The following POP1 variants were observed in gnomAD, a reference collection of about 807,000 sequenced individuals.
POP1 encodes the protein POP1 ribonuclease P/MRP subunit.
POP1 carries 75 observed loss-of-function variants against 102.2 expected under a neutral mutation model. The observed-to-expected ratio is 0.73, with a 90% confidence interval of 0.61 to 0.89. The LOEUF is 0.89. Ranked by LOEUF, POP1 falls within the 40% of genes least tolerant of loss-of-function variation. The pLI, the probability that POP1 is intolerant of heterozygous loss-of-function variation, is 0.00. For synonymous variants in POP1, 436 were observed against 464.1 expected (o/e 0.94, Z 0.78); for missense variants, 1,116 against 1,267.4 (o/e 0.88, Z 1.81).
At chr8:98,132,273 A>G (rs951623010) in intron 5 of POP1, among the ~76,000 whole-genome samples, 1 of 152,132 alleles carries the variant, frequency 6.6e-6, no homozygotes, top group Non-Finnish European at 1.5e-5. Context: ...AGGTACAGAG[A>G]GGTTAGGTAG....
At chr8:98,137,634 A>G (rs1816584574) in intron 9 of POP1, among the ~76,000 whole-genome samples, 1 of 152,144 alleles carries the variant, frequency 6.6e-6, no homozygotes, top group South Asian at 2.1e-4. Flanking sequence ...TAAAAAGGTT[A>G]AGAGCAGTAT....
chr8:98,158,398 T>A lies in POP1; in HGVS notation c.*127T>A. On this transcript the variant is annotated 3_prime_UTR_variant, in exon 16 of 16. Transcript: ENST00000401707. ...CTCCCTGGAAACAAGAATAAAAAATTATGTATTATGCAGATGATGAAATGT... is the reference window on the plus strand; with the variant it reads ...CTCCCTGGAAACAAGAATAAAAAATAATGTATTATGCAGATGATGAAATGT... 1 of 1,013,242 alleles carries A rather than the reference T, an allele frequency of 9.9e-7. No homozygotes were observed. Among genetic ancestry groups the A allele is most frequent in the Non-Finnish European group, 1.5e-6 (1 of 659,368 alleles). 62.8% of individuals were successfully genotyped at this position (1,013,242 alleles called of 1,614,324 possible).
intron 15 of POP1, among the ~76,000 whole-genome samples, chr8:98,156,665 GT>G (rs33983499): frequency 0.027 from 4,106 of 151,928 alleles, 170 homozygotes; most frequent in African/African-American, 0.085. Context: ...AGCCAAGGCA[GT>G]TTTTTTTCTG....
intron 13 of POP1, 119 bp downstream of exon 13, chr8:98,149,125 C>A: frequency 1.0e-6 from 1 of 985,724 alleles, no homozygotes; most frequent in Non-Finnish European, 1.6e-6. Flanking sequence ...TGGTGTATTT[C>A]TGCCCTTAGA....
chr8:98,148,796 T>G lies in POP1; in HGVS notation c.1711-19T>G. On this transcript the variant is annotated intron_variant, in intron 12 of 15. Transcript: ENST00000401707. ...GAAGACTAGGGCTATTTGTCTTGAA[T>G]TATTTTCTTCCACTTTAGGATTTAA... 1 of 1,604,574 alleles carries G rather than the reference T, an allele frequency of 6.2e-7. No homozygotes were observed. The highest frequency in any genetic ancestry group is 8.5e-7 in the Non-Finnish European group (1 of 1,173,370).
chr8:98,127,552 A>G (rs374078725), intron 2 of POP1, 43 bp from the exon 3 acceptor site: 8 of 1,608,808 alleles, frequency 5.0e-6, no homozygotes, highest in Non-Finnish European at 6.8e-6. Context: ...TATAATGTTT[A>G]TCTCTGATAA....
chr8:98,140,630 G>A, intron 10 of POP1, 139 bp from the exon 11 acceptor site: 3 of 828,602 alleles, frequency 3.6e-6, no homozygotes, highest in Non-Finnish European at 5.9e-6. Context: ...GTATCAATGG[G>A]AAGAGAGGGA....
At position 98,136,844 on chromosome 8, in the gene POP1, T is replaced by C; in HGVS notation, c.1269-17T>C. The stretch of plus-strand genomic sequence containing the variant: ...TGTGATGAAAGTTTCCATTTTAAGA[T>C]GTTCTTTCTTTTTCAGCGATTTGAC... On this transcript the variant is annotated splice_polypyrimidine_tract_variant and intron_variant, in intron 8 of 15. Transcript: ENST00000401707. 6.2e-7 allele frequency: 1 copy of C among 1,611,974 alleles called. No individual in the cohort carries two copies. Among genetic ancestry groups the C allele is most frequent in the Non-Finnish European group, 8.5e-7 (1 of 1,178,036 alleles).
intron 13 of POP1, among the ~76,000 whole-genome samples, chr8:98,150,164 C>T (rs1162087711): frequency 6.6e-6 from 1 of 152,124 alleles, no homozygotes; most frequent in African/African-American, 2.4e-5. Context: ...ATTTTTATAG[C>T]TTTATTAAAG....
In POP1 at chr8:98,159,512, C is replaced by A. The variant is rs1809747219; in HGVS notation, c.*1241C>A. The A allele has an allele frequency of 6.6e-6, 1 of 152,088 alleles. No homozygotes were observed. The highest frequency in any genetic ancestry group is 2.1e-4 in the South Asian group (1 of 4,830). The allele number at this position is 152,088 out of a possible 1,614,324, so 9.4% of individuals were successfully genotyped here. On this transcript the variant is annotated 3_prime_UTR_variant, in exon 16 of 16. Coordinates refer to ENST00000401707, the MANE Select transcript of POP1 (RefSeq NM_001145860.2). ...GCTTGCTCATAGCCTTGGTCCTTAC[C>A]TTTCCTGCCATAACTTTCTAGAAGA...
intron 7 of POP1, among the ~76,000 whole-genome samples, chr8:98,135,865 AATT>A (rs1816521528): frequency 6.6e-6 from 1 of 151,642 alleles, no homozygotes; most frequent in Non-Finnish European, 1.5e-5. Context: ...TTGTCCAGCT[AATT>A]ATTTTTTTAT....
rs77432545 is a variant in POP1 at position 98,152,218 on chromosome 8, T to G, written c.2057+1579T>G. Among the ~76,000 whole-genome samples, 1,265 of 152,354 alleles carry G rather than the reference T, an allele frequency of 8.3e-3. 18 individuals carry two copies. Among genetic ancestry groups the G allele is most frequent in the African/African-American group, 0.028 (1,168 of 41,586 alleles). The stretch of plus-strand genomic sequence containing the variant: ...TTAAATAATAGTTAAAAATAATACT[T>G]ATTTCTTACTCTTCAGAGCTTTTTA... On this transcript the variant is annotated intron_variant, in intron 14 of 15. Coordinates refer to ENST00000401707, the MANE Select transcript of POP1 (RefSeq NM_001145860.2).
At chr8:98,155,817 C>T (rs572604112) in intron 14 of POP1, 20 of 462,816 alleles carry the variant, frequency 4.3e-5, no homozygotes, top group South Asian at 3.1e-4. Context: ...CTCAGGTGAT[C>T]GCCTGCCTTG....
Position 98,150,510 on chromosome 8 carries a change from G to A in POP1, c.1928G>A (p.Gly643Glu). Residue 643 changes from glycine to glutamate, a missense_variant, in exon 14 of 16, where the codon GGG (glycine) becomes GAG (glutamate). Transcript: ENST00000401707. The part of the protein sequence containing the change: ...PFIYRGVRVG[G>E]LKESAVHSQY... ...ATTTATCGAGGTGTGAGAGTCGGAG[G>A]GTTGAAAGAGTCTGCAGTGCATTCT... is the stretch of plus-strand genomic sequence containing the variant. 6.2e-7 allele frequency: 1 copy of A among 1,613,878 alleles called. No homozygotes were observed. The highest frequency in any genetic ancestry group is 8.5e-7 in the Non-Finnish European group (1 of 1,179,928).
At chr8:98,117,610 C>T (rs935239759) in intron 1 of POP1, among the ~76,000 whole-genome samples, 1 of 152,194 alleles carries the variant, frequency 6.6e-6, no homozygotes, top group Non-Finnish European at 1.5e-5. Flanking sequence ...CCTTCATTGC[C>T]CCGCCGGGTG....
chr8:98,134,378 T>G lies in POP1; in HGVS notation c.824-94T>G. 3 of 1,318,840 alleles carry G rather than the reference T, an allele frequency of 2.3e-6. No individual in the cohort carries two copies. In the East Asian group the frequency reaches 6.9e-5, roughly 30 times the overall value. 81.7% of individuals were successfully genotyped at this position (1,318,840 alleles called of 1,614,324 possible). On this transcript the variant is annotated intron_variant, in intron 6 of 15. Transcript: ENST00000401707. ...CTCACAACCAAAACTTCACCTCTCA[T>G]GGAGGCAGACAGTAAATGACAGTGT...
Position 98,157,987 on chromosome 8 carries a change from C to T in POP1, c.2791C>T (p.Pro931Ser). ...GCCAGGACGTGCCTCTTCTGATGGCCCGGCGGGGGAAGAGCCCGTGGCTGG... is the reference window on the plus strand; with the variant it reads ...GCCAGGACGTGCCTCTTCTGATGGCTCGGCGGGGGAAGAGCCCGTGGCTGG... The part of the protein sequence containing the change: ...QKPGRASSDG[P>S]AGEEPVAGQE... The change falls in exon 16 of 16, where the codon CCG (proline) becomes TCG (serine). Residue 931 changes from proline (P) to serine (S), a missense_variant. Pro to Ser is a moderately conservative substitution (Grantham distance 74, BLOSUM62 -1). Coordinates refer to ENST00000401707, the MANE Select transcript of POP1 (RefSeq NM_001145860.2). 6.2e-7 allele frequency: 1 copy of T among 1,613,116 alleles called. No individual in the cohort carries two copies. Among genetic ancestry groups the T allele is most frequent in the Non-Finnish European group, 8.5e-7 (1 of 1,180,046 alleles).
At position 98,157,807 on chromosome 8, in the gene POP1, C is replaced by T. The variant is rs539991005; in HGVS notation, c.2611C>T (p.Pro871Ser). ...CCTGCTCAGCAAGGGCAGCCCCGAG[C>T]CTCACACCATGATCTGTGTCCCAGC... is the stretch of plus-strand genomic sequence containing the variant. ...LSLLSKGSPE[P>S]HTMICVPAKE... Residue 871 changes from proline to serine, a missense_variant, in exon 16 of 16, where the codon CCT becomes TCT. By Grantham distance (74) the Pro-to-Ser change is moderately conservative. Coordinates refer to ENST00000401707, the MANE Select transcript of POP1 (RefSeq NM_001145860.2). The T allele has an allele frequency of 7.4e-6, 12 of 1,614,208 alleles. No individual in the cohort carries two copies. In the South Asian group the frequency reaches 7.7e-5, roughly 10 times the overall value.
At chr8:98,134,421 A>G (rs931019739) in intron 6 of POP1, 51 bp from the exon 7 acceptor site, 1 of 1,562,152 alleles carries the variant, frequency 6.4e-7, no homozygotes, top group Non-Finnish European at 8.8e-7. Flanking sequence ...AGGAAATAGG[A>G]CTGCAGTCTC....
Sources: gnomAD v4.1 joint callset for allele counts (sites outside exome capture counted in the v4.1 genomes callset) on GRCh38, gnomAD v4.1.1 for gene constraint, MANE v1.5 for transcripts, NCBI Gene and HGNC (gene_info 2026-07-23, HGNC 2026-07-21) for gene names.